Variants in HMCN1 observed in about 807,000 individuals in gnomAD.
The protein encoded by HMCN1 is hemicentin-1.
In HMCN1, 321 loss-of-function variants were observed where a neutral mutation model predicts 625.9. That is an observed-to-expected ratio of 0.51 (90% CI 0.47 to 0.56). HMCN1 has a LOEUF of 0.56. Among genes scored for constraint, HMCN1 ranks in the 20% least tolerant of loss-of-function variants. HMCN1 has a pLI of 0.00. For synonymous variants in HMCN1, 2,425 were observed against 2,417.6 expected (o/e 1.00, Z -0.09); for missense variants, 6,588 against 6,887.3 (o/e 0.96, Z 1.54).
At chr1:185,865,927 C>T (rs1663164483) in intron 4 of HMCN1, 64 bp downstream of exon 4, 2 of 1,534,094 alleles carry the variant, frequency 1.3e-6, no homozygotes, top group Admixed American at 1.7e-5. Flanking sequence ...TTAGGCCAGC[C>T]TAATTATGAC....
intron 20 of HMCN1, among the ~76,000 whole-genome samples, chr1:185,988,554 C>A (rs1652161761): frequency 6.6e-6 from 1 of 152,208 alleles, no homozygotes; most frequent in South Asian, 2.1e-4. Flanking sequence ...AGAAAAGTCA[C>A]AGAAGTGAAG....
chr1:186,067,325 T>C (rs1412375388), intron 49 of HMCN1, among the ~76,000 whole-genome samples: 1 of 152,182 alleles, frequency 6.6e-6, no homozygotes, highest in Non-Finnish European at 1.5e-5. Context: ...CTTCCAATAT[T>C]GATCCACTTG....
intron 1 of HMCN1, 66 bp downstream of exon 1, chr1:185,735,113 A>G: frequency 6.6e-7 from 1 of 1,519,996 alleles, no homozygotes; most frequent in Non-Finnish European, 9.1e-7. Context: ...CATGCTGTGA[A>G]TGAAATTGTT....
chr1:186,025,285 A>G, intron 36 of HMCN1, among the ~76,000 whole-genome samples: 1 of 152,166 alleles, frequency 6.6e-6, no homozygotes, highest in Admixed American at 6.5e-5. Context: ...AACTGGTATC[A>G]GTCTGTGGCC....
chr1:185,846,403 A>G (rs1216234608), intron 2 of HMCN1, among the ~76,000 whole-genome samples: 5 of 152,184 alleles, frequency 3.3e-5, no homozygotes, highest in South Asian at 2.1e-4. Context: ...CCCCTGCTCT[A>G]CATAAGTCTT....
chr1:185,867,622 G>C (rs990255298), intron 4 of HMCN1, among the ~76,000 whole-genome samples: 2 of 151,986 alleles, frequency 1.3e-5, no homozygotes, highest in African/African-American at 4.8e-5. Flanking sequence ...AGAGTGTTGG[G>C]GCCAGTATGC....
chr1:186,055,635 G>A lies in HMCN1; in HGVS notation c.7105G>A (p.Ala2369Thr), dbSNP rs771130117. 1.2e-6 allele frequency: 2 copies of A among 1,612,704 alleles called. No homozygotes were observed. The highest frequency in any genetic ancestry group is 2.2e-5 in the South Asian group (2 of 91,068). Reference sequence around the variant, plus strand: ...TTATGTGTGTGTTGCTGTGAATGTAGCAGGAATGACTGACAAAAAATATGA... The same window carrying A: ...TTATGTGTGTGTTGCTGTGAATGTAACAGGAATGACTGACAAAAAATATGA... ...GRYVCVAVNVAGMTDKKYDLS... is the reference protein window; with the variant it reads ...GRYVCVAVNVTGMTDKKYDLS... The change falls in exon 45 of 107, where the codon GCA (alanine) becomes ACA (threonine). Residue 2369 changes from alanine to threonine, a missense_variant. By Grantham distance (58) the Ala-to-Thr change is moderately conservative. Coordinates refer to ENST00000271588, the MANE Select transcript of HMCN1 (RefSeq NM_031935.3).
intron 23 of HMCN1, among the ~76,000 whole-genome samples, chr1:185,994,404 G>A (rs1453194871): frequency 6.6e-6 from 1 of 152,130 alleles, no homozygotes; most frequent in Non-Finnish European, 1.5e-5. Flanking sequence ...CAGAAACTGA[G>A]TACATGGAGA....
chr1:186,127,063 G>A (rs756614443), intron 82 of HMCN1, among the ~76,000 whole-genome samples: 6 of 152,024 alleles, frequency 3.9e-5, no homozygotes, highest in Admixed American at 2.0e-4. Flanking sequence ...TGCAAGTAGG[G>A]TGTGAGGAAA....
At chr1:185,749,440 C>T (rs1049690478) in intron 1 of HMCN1, among the ~76,000 whole-genome samples, 1 of 152,176 alleles carries the variant, frequency 6.6e-6, no homozygotes, top group African/African-American at 2.4e-5. Flanking sequence ...GAGAAACCTA[C>T]TGCCTGCTTA....
At chr1:185,949,249 T>C (rs1668513557) in intron 11 of HMCN1, among the ~76,000 whole-genome samples, 1 of 151,778 alleles carries the variant, frequency 6.6e-6, no homozygotes, top group South Asian at 2.1e-4. Context: ...GTATGAGTAG[T>C]TGAGAACGGT....
At chr1:185,759,737 C>T (rs1187479691) in intron 1 of HMCN1, among the ~76,000 whole-genome samples, 2 of 151,740 alleles carry the variant, frequency 1.3e-5, no homozygotes, top group Admixed American at 1.3e-4. Context: ...GATCAAATAA[C>T]ATTGTTTAGT....
At chr1:185,779,154 G>A (rs1003711276) in intron 1 of HMCN1, among the ~76,000 whole-genome samples, 3 of 152,210 alleles carry the variant, frequency 2.0e-5, no homozygotes, top group Non-Finnish European at 4.4e-5. Flanking sequence ...CTTTTGAGAA[G>A]TGTCTGTTCA....
intron 53 of HMCN1, among the ~76,000 whole-genome samples, chr1:186,076,091 C>T (rs1658794629): frequency 6.6e-6 from 1 of 152,116 alleles, no homozygotes; most frequent in African/African-American, 2.4e-5. Flanking sequence ...AATGGTTTCT[C>T]AAAATTAGTC....
At chr1:185,782,023 G>A (rs1476653411) in intron 1 of HMCN1, among the ~76,000 whole-genome samples, 4 of 152,066 alleles carry the variant, frequency 2.6e-5, no homozygotes, top group African/African-American at 9.7e-5. Flanking sequence ...TATGAATCTG[G>A]GTGCTCATGT....
intron 36 of HMCN1, among the ~76,000 whole-genome samples, chr1:186,027,480 T>C (rs1655136633): frequency 6.6e-6 from 1 of 152,192 alleles, no homozygotes; most frequent in Non-Finnish European, 1.5e-5. Context: ...AGTAAAATAT[T>C]GTGGCTTCAA....
At chr1:186,087,689 G>C (rs953778652) in intron 60 of HMCN1, 44 bp downstream of exon 60, 1 of 1,569,810 alleles carries the variant, frequency 6.4e-7, no homozygotes, top group Admixed American at 1.7e-5. Context: ...ACCTTGGTGG[G>C]GTGGTGGAAA....
chr1:185,806,294 T>C (rs1394162248), intron 1 of HMCN1, among the ~76,000 whole-genome samples: 4 of 152,096 alleles, frequency 2.6e-5, no homozygotes, highest in African/African-American at 7.2e-5. Flanking sequence ...GAGCCCACAT[T>C]CTTAAGCAGT....
chr1:185,910,423 A>G (rs998596536), intron 5 of HMCN1, among the ~76,000 whole-genome samples: 2 of 152,134 alleles, frequency 1.3e-5, no homozygotes, highest in Non-Finnish European at 2.9e-5. Context: ...TTACCAAGGA[A>G]AGACTTGTGT....
Sources: allele counts gnomAD v4.1 joint callset (sites outside exome capture counted in the v4.1 genomes callset), GRCh38; gene constraint gnomAD v4.1.1; transcripts MANE v1.5; gene names NCBI Gene and HGNC (gene_info 2026-07-23, HGNC 2026-07-21).